BNIP5: variants seen among roughly 807,000 people sequenced by gnomAD.
BNIP5 encodes the protein protein BNIP5.
Under a neutral mutation model 67.3 loss-of-function variants are expected in BNIP5, and 61 were observed. The observed-to-expected ratio is 0.91, with a 90% confidence interval of 0.74 to 1.12. BNIP5 has a LOEUF of 1.12. Among genes scored for constraint, BNIP5 ranks in the 50% most tolerant of loss-of-function variants. The pLI, the probability that BNIP5 is intolerant of heterozygous loss-of-function variation, is 0.00. For missense variants in BNIP5, 826 were observed against 816.3 expected, an observed-to-expected ratio of 1.01 and a Z score of -0.14; for synonymous variants, 317 against 319.0, an observed-to-expected ratio of 0.99 and a Z score of 0.07.
intron 11 of BNIP5, among the ~76,000 whole-genome samples, chr6:36,318,308 C>T (rs1190700223): frequency 6.6e-6 from 1 of 152,152 alleles, no homozygotes; most frequent in East Asian, 1.9e-4. Flanking sequence ...GGCTTCTACG[C>T]TGTGGATCTG....
In BNIP5 at chr6:36,328,695, G is replaced by T; in HGVS notation, c.630C>A (p.His210Gln). The change falls in exon 3 of 12, where the codon CAC becomes CAA. Residue 210 changes from histidine to glutamine, a missense_variant. His to Gln is a conservative substitution (Grantham distance 24). Transcript: ENST00000437635. ...CATCCACTTTGATGAGGAAGGACTG[G>T]TGATCAGAATCTTCCCCACCTGGAA... Reference protein sequence around the residue: ...PARRGGEDSDHQSFLIKVDGT... With the variant: ...PARRGGEDSDQQSFLIKVDGT... 6.2e-7 allele frequency: 1 copy of T among 1,613,280 alleles called. No homozygotes were observed. The highest frequency in any genetic ancestry group is 8.5e-7 in the Non-Finnish European group (1 of 1,179,228).
At chr6:36,327,001 C>T (rs1771779512) in intron 4 of BNIP5, 29 bp downstream of exon 4, 2 of 1,600,366 alleles carry the variant, frequency 1.2e-6, no homozygotes, top group South Asian at 2.2e-5. Flanking sequence ...GCAGAGAGCC[C>T]CTGGAGACCT....
chr6:36,335,856 C>T (rs1257495884), intron 1 of BNIP5, among the ~76,000 whole-genome samples: 2 of 152,198 alleles, frequency 1.3e-5, no homozygotes, highest in African/African-American at 4.8e-5. Flanking sequence ...CTCTATTCTA[C>T]ACCAAATGGC....
rs755239624 is a variant in BNIP5 at position 36,330,235 on chromosome 6, C to A, written c.456G>T (p.Lys152Asn). Residue 152 changes from lysine to asparagine, a missense_variant, in exon 2 of 12, where the codon AAG becomes AAT. Coordinates refer to ENST00000437635, the MANE Select transcript of BNIP5 (RefSeq NM_001010903.5). Reference protein sequence around the residue: ...PALRKKAHHDKKPSRKKQGHK... With the variant: ...PALRKKAHHDNKPSRKKQGHK... Reference sequence around the variant, plus strand: ...GACCTTGCTTCTTGCGGCTGGGCTTCTTGTCGTGGTGGGCTTTCTTCCTGA... The same window carrying A: ...GACCTTGCTTCTTGCGGCTGGGCTTATTGTCGTGGTGGGCTTTCTTCCTGA... 1 of 1,614,180 alleles carries A rather than the reference C, an allele frequency of 6.2e-7. No homozygotes were observed. The highest frequency in any genetic ancestry group is 2.2e-5 in the East Asian group (1 of 44,878).
intron 11 of BNIP5, among the ~76,000 whole-genome samples, chr6:36,318,642 A>G (rs967244221): frequency 1.1e-4 from 17 of 151,992 alleles, no homozygotes; most frequent in Admixed American, 6.6e-5. Context: ...GGATCATCTG[A>G]GCCCAGGAAG....
intron 6 of BNIP5, 147 bp from the exon 7 acceptor site, chr6:36,324,337 G>T: frequency 1.4e-6 from 1 of 703,410 alleles, no homozygotes; most frequent in South Asian, 1.6e-5. Context: ...GGCAGAGCTG[G>T]TTTCATGGGA....
chr6:36,324,702 T>C (rs966657161), intron 6 of BNIP5, among the ~76,000 whole-genome samples: 1 of 139,730 alleles, frequency 7.2e-6, no homozygotes, highest in Non-Finnish European at 1.5e-5. Context: ...CGATGGCAGC[T>C]GCCATTAGCT....
intron 1 of BNIP5, among the ~76,000 whole-genome samples, chr6:36,332,170 A>G (rs1771922466): frequency 6.6e-6 from 1 of 152,108 alleles, no homozygotes; most frequent in African/African-American, 2.4e-5. Context: ...CTCCACGCAC[A>G]CAGCCCTGCT....
At chr6:36,330,037 G>T (rs1458757685) in intron 2 of BNIP5, 44 bp downstream of exon 2, 2 of 1,521,516 alleles carry the variant, frequency 1.3e-6, no homozygotes, top group Non-Finnish European at 1.7e-6. Flanking sequence ...AGCAAGTTTA[G>T]AGCACCCTAG....
In BNIP5 at chr6:36,317,133, C is replaced by T. The variant is rs1771537299; in HGVS notation, c.*223G>A. 5.0e-6 allele frequency: 3 copies of T among 601,586 alleles called. No homozygotes were observed. Among genetic ancestry groups the T allele is most frequent in the Non-Finnish European group, 8.9e-6 (3 of 338,292 alleles). The allele number at this position is 601,586 out of a possible 1,614,324, so 37.3% of individuals were successfully genotyped here. A position where few individuals can be genotyped will look rare whatever the true frequency, so the allele number is the denominator to read the frequency against. ...GCCCCAGTCTTCCTCATTCCCAGTC[C>T]AGTGCTGATTTCCCCAGACATGGCC... On this transcript the variant is annotated 3_prime_UTR_variant, in exon 12 of 12. Coordinates refer to ENST00000437635, the MANE Select transcript of BNIP5 (RefSeq NM_001010903.5).
In BNIP5 at chr6:36,330,343, T is replaced by C. The variant is rs747588169; in HGVS notation, c.348A>G (p.Arg116=). ...FFVRTGPEEP[R]EKASRRPRGK... is the part of the protein sequence containing the mutation. ...CCCTTGGCCTCCTGCTGGCCTTTTC[T>C]CTGGGCTCCTCAGGGCCCGTCCTCA... The change falls in exon 2 of 12, where the codon AGA becomes AGG. Residue 116 remains arginine (R), a synonymous_variant. Coordinates refer to ENST00000437635, the MANE Select transcript of BNIP5 (RefSeq NM_001010903.5). The C allele has an allele frequency of 4.4e-5, 71 of 1,614,088 alleles. 1 individual carries two copies. The East Asian group carries it at 8.2e-4, about 19-fold the overall frequency.
At chr6:36,330,812 G>A in intron 1 of BNIP5, 118 bp from the exon 2 acceptor site, 1 of 1,312,452 alleles carries the variant, frequency 7.6e-7, no homozygotes, top group Non-Finnish European at 1.0e-6. Flanking sequence ...TGCCCAGGCT[G>A]GAGTGCAGTG....
chr6:36,317,541 T>C (rs1366135203), intron 11 of BNIP5, 150 bp from the exon 12 acceptor site: 17 of 703,996 alleles, frequency 2.4e-5, no homozygotes, highest in Non-Finnish European at 4.1e-5. Flanking sequence ...CTGCTGACAC[T>C]GTTCTCCTGA....
chr6:36,318,799 A>G (rs1338971305), intron 11 of BNIP5, among the ~76,000 whole-genome samples: 1 of 152,146 alleles, frequency 6.6e-6, no homozygotes, highest in Non-Finnish European at 1.5e-5. Flanking sequence ...TATTAGGAAA[A>G]GCATAAATGC....
rs1003381337 is a variant in BNIP5 at position 36,330,114 on chromosome 6, A to G, written c.577T>C (p.Ser193Pro). 2.5e-6 allele frequency: 4 copies of G among 1,610,180 alleles called. No individual in the cohort carries two copies. Among genetic ancestry groups the G allele is most frequent in the African/African-American group, 1.3e-5 (1 of 74,812 alleles). ...GLSKAAAALR[S>P]GEADLGPARR... The stretch of plus-strand genomic sequence containing the variant: ...GCTGGGCCCAGGTCAGCCTCCCCGG[A>G]GCGCAAGGCAGCAGCTGCCTTGGAC... Residue 193 changes from serine (S) to proline (P), a missense_variant, in exon 2 of 12, where the codon TCC (serine) becomes CCC (proline). Ser to Pro is a moderately conservative substitution (Grantham distance 74). Transcript: ENST00000437635.
At chr6:36,319,333 T>C (rs756196096) in intron 11 of BNIP5, 23 bp downstream of exon 11, 4 of 1,610,666 alleles carry the variant, frequency 2.5e-6, no homozygotes, top group Non-Finnish European at 2.5e-6. Context: ...TACATTGCCA[T>C]TGTCTTCCCC....
At position 36,329,881 on chromosome 6, in the gene BNIP5, A is replaced by AAGG. The variant is rs555624788; in HGVS notation, c.610+197_610+199dup. Reference sequence around the variant, plus strand: ...AGGAAAGAGAAAAGAGAGAAAGAAGAAGGAGGAGGAGGAGGAGAGGAAGGA... The same window carrying AAGG: ...AGGAAAGAGAAAAGAGAGAAAGAAGAAGGAGGAGGAGGAGGAGGAGAGGAAGGA... On this transcript the variant is annotated intron_variant, in intron 2 of 11. Coordinates refer to ENST00000437635, the MANE Select transcript of BNIP5 (RefSeq NM_001010903.5). Among the ~76,000 whole-genome samples the AAGG allele has an allele frequency of 1.1e-3, 164 of 147,882 alleles. 2 individuals are homozygous for AAGG. The highest frequency in any genetic ancestry group is 0.01 in the South Asian group (47 of 4,610).
chr6:36,328,701 A>G lies in BNIP5; in HGVS notation c.624T>C (p.Ser208=), dbSNP rs1561885319. ...LGPARRGGED[S]DHQSFLIKVD... ...CTTTGATGAGGAAGGACTGGTGATC[A>G]GAATCTTCCCCACCTGGAATAGAGA... Residue 208 remains serine, a synonymous_variant, in exon 3 of 12, where the codon TCT becomes TCC. Transcript: ENST00000437635. The G allele has an allele frequency of 1.2e-6, 2 of 1,612,036 alleles. No homozygotes were observed. Among genetic ancestry groups the G allele is most frequent in the Non-Finnish European group, 1.7e-6 (2 of 1,178,098 alleles).
At chr6:36,334,108 C>T (rs1046981200) in intron 1 of BNIP5, among the ~76,000 whole-genome samples, 1 of 152,264 alleles carries the variant, frequency 6.6e-6, no homozygotes, top group African/African-American at 2.4e-5. Flanking sequence ...CCTCCTACCA[C>T]ATTCCAAGGA....
Sources: allele counts gnomAD v4.1 joint callset (sites outside exome capture counted in the v4.1 genomes callset), GRCh38; gene constraint gnomAD v4.1.1; transcripts MANE v1.5; gene names NCBI Gene and HGNC (gene_info 2026-07-23, HGNC 2026-07-21).